CATSPERD: variants seen among roughly 807,000 people sequenced by gnomAD.
CATSPERD encodes catsper channel auxiliary subunit delta.
A neutral mutation model predicts 98.1 loss-of-function variants in CATSPERD; 86 were observed. That is an observed-to-expected ratio of 0.88 (90% CI 0.74 to 1.05). The LOEUF is 1.05. Among genes scored for constraint, CATSPERD ranks in the 50% least tolerant of loss-of-function variants. The pLI is 0.00. For missense variants in CATSPERD, 995 were observed against 1,005.7 expected (o/e 0.99, Z 0.14); for synonymous variants, 394 against 390.2 (o/e 1.01, Z -0.12).
intron 7 of CATSPERD, among the ~76,000 whole-genome samples, chr19:5,743,281 C>T (rs965295256): frequency 4.6e-4 from 70 of 151,700 alleles, no homozygotes; most frequent in South Asian, 1.5e-3. Context: ...CCAGCCTGGG[C>T]GACAAGAGTG....
intron 6 of CATSPERD, among the ~76,000 whole-genome samples, chr19:5,737,953 C>G (rs2055881314): frequency 6.6e-6 from 1 of 151,910 alleles, no homozygotes; most frequent in Non-Finnish European, 1.5e-5. Flanking sequence ...GCTCAGAGCA[C>G]AGTTGGGAGA....
chr19:5,747,692 A>T (rs2056122412), intron 9 of CATSPERD, among the ~76,000 whole-genome samples: 1 of 142,104 alleles, frequency 7.0e-6, no homozygotes, highest in Non-Finnish European at 1.5e-5. Context: ...GGCTCACTGC[A>T]ACCTCCACCT....
intron 16 of CATSPERD, among the ~76,000 whole-genome samples, chr19:5,765,867 C>A (rs142005720): frequency 6.6e-6 from 1 of 152,022 alleles, no homozygotes; most frequent in Non-Finnish European, 1.5e-5. Flanking sequence ...CGTGAAGCCA[C>A]TAATAGCTCC....
At chr19:5,748,280 C>T in intron 10 of CATSPERD, 25 bp downstream of exon 10, 1 of 1,597,502 alleles carries the variant, frequency 6.3e-7, no homozygotes, top group South Asian at 1.1e-5. Context: ...CACTGCTAGC[C>T]AAGAAATATT....
At chr19:5,726,262 A>G (rs2055602355) in intron 2 of CATSPERD, among the ~76,000 whole-genome samples, 1 of 151,838 alleles carries the variant, frequency 6.6e-6, no homozygotes, top group South Asian at 2.1e-4. Flanking sequence ...GGGTTTCACC[A>G]TGTTGGCCCT....
At chr19:5,757,743 G>A in intron 13 of CATSPERD, 100 bp from the exon 14 acceptor site, 2 of 844,978 alleles carry the variant, frequency 2.4e-6, no homozygotes, top group Non-Finnish European at 3.7e-6. Flanking sequence ...ACCCAGCCCT[G>A]ATTTTTCATT....
chr19:5,726,150 C>G (rs1406660224), intron 2 of CATSPERD, among the ~76,000 whole-genome samples: 3 of 151,098 alleles, frequency 2.0e-5, no homozygotes, highest in African/African-American at 4.9e-5. Context: ...CAACCTCCTT[C>G]TCCTGGGTTT....
chr19:5,763,246 G>A lies in CATSPERD; in HGVS notation c.1459G>A (p.Val487Met). 6.2e-7 allele frequency: 1 copy of A among 1,614,116 alleles called. No individual in the cohort carries two copies. The highest frequency in any genetic ancestry group is 8.5e-7 in the Non-Finnish European group (1 of 1,180,014). Reference protein sequence around the residue: ...LKKATMSTLTVDIANKEISCV... With the variant: ...LKKATMSTLTMDIANKEISCV... ...GAAAGCCACCATGTCTACCTTAACT[G>A]TGGACATAGCAAACAAGGAAATTTC... is the stretch of plus-strand genomic sequence containing the variant. Residue 487 changes from valine (V) to methionine (M), a missense_variant, in exon 16 of 22, where the codon GTG (valine) becomes ATG (methionine). Val to Met is a conservative substitution (Grantham distance 21). Around this residue, in one of 3 missense-constraint regions of CATSPERD, gnomAD observed 762 missense variants for 773.7 expected, o/e 0.98. Coordinates refer to ENST00000381624, the MANE Select transcript of CATSPERD (RefSeq NM_152784.4).
intron 16 of CATSPERD, 78 bp downstream of exon 16, chr19:5,763,371 A>G (rs1232870148): frequency 1.7e-6 from 2 of 1,155,664 alleles, no homozygotes; most frequent in African/African-American, 1.5e-5. Flanking sequence ...TGAGGTTGCA[A>G]TGAGCTGAGA....
intron 11 of CATSPERD, 88 bp downstream of exon 11, chr19:5,749,271 C>A: frequency 3.5e-6 from 3 of 851,612 alleles, no homozygotes; most frequent in Non-Finnish European, 5.4e-6. Flanking sequence ...GTGGAAGGAT[C>A]ACCTGAGGTC....
intron 2 of CATSPERD, 64 bp downstream of exon 2, chr19:5,724,926 C>T: frequency 6.8e-7 from 1 of 1,479,526 alleles, no homozygotes. Context: ...AGAGGTAACA[C>T]TTCCTGGTAT....
intron 20 of CATSPERD, 47 bp downstream of exon 20, chr19:5,773,012 G>T (rs1239759467): frequency 2.5e-6 from 4 of 1,580,220 alleles, no homozygotes; most frequent in South Asian, 1.1e-5. Flanking sequence ...CAGCCCACCA[G>T]GGGGTGGGAG....
intron 4 of CATSPERD, among the ~76,000 whole-genome samples, chr19:5,732,343 C>T (rs1312848656): frequency 6.6e-6 from 1 of 152,084 alleles, no homozygotes; most frequent in East Asian, 1.9e-4. Context: ...AGACCAGCTT[C>T]AACTTGGTTC....
intron 16 of CATSPERD, among the ~76,000 whole-genome samples, chr19:5,764,081 T>G (rs1280901797): frequency 2.6e-5 from 4 of 151,826 alleles, no homozygotes; most frequent in African/African-American, 9.7e-5. Context: ...ACTCCTGACC[T>G]TAAGTGATCT....
At chr19:5,737,694 C>CA (rs2055875926) in intron 6 of CATSPERD, among the ~76,000 whole-genome samples, 1 of 151,098 alleles carries the variant, frequency 6.6e-6, no homozygotes, top group African/African-American at 2.4e-5. Flanking sequence ...ACTAAAAATA[C>CA]AAAAAATTAG....
chr19:5,766,924 C>T (rs1445040932), intron 17 of CATSPERD, among the ~76,000 whole-genome samples: 1 of 151,802 alleles, frequency 6.6e-6, no homozygotes, highest in Non-Finnish European at 1.5e-5. Context: ...AAATCCTGAC[C>T]TCAAGTGATT....
intron 12 of CATSPERD, among the ~76,000 whole-genome samples, chr19:5,752,488 T>TA (rs1052716274): frequency 4.0e-5 from 6 of 151,402 alleles, no homozygotes; most frequent in African/African-American, 1.5e-4. Context: ...AACACTAATT[T>TA]AAAAAAAGAG....
intron 3 of CATSPERD, 151 bp from the exon 4 acceptor site, chr19:5,729,721 T>C: frequency 1.8e-6 from 1 of 561,530 alleles, no homozygotes; most frequent in Admixed American, 3.6e-5. Context: ...TGTAGAGGTT[T>C]ATTTATGCAA....
chr19:5,737,075 A>G, intron 5 of CATSPERD, 63 bp from the exon 6 acceptor site: 2 of 1,188,652 alleles, frequency 1.7e-6, no homozygotes, highest in South Asian at 2.5e-5. Context: ...AACAAAAAAC[A>G]AAAAACTTTT....
Sources: allele counts gnomAD v4.1 joint callset (sites outside exome capture counted in the v4.1 genomes callset), GRCh38; gene constraint gnomAD v4.1.1; regional missense constraint gnomAD v4.1.1; transcripts MANE v1.5; gene names NCBI Gene and HGNC (gene_info 2026-07-23, HGNC 2026-07-21).